The following MICU3 variants were observed in gnomAD, a reference collection of about 807,000 sequenced individuals.
MICU3 encodes calcium uptake protein 3, mitochondrial.
In MICU3, 62 loss-of-function variants were observed where a neutral mutation model predicts 66.5. The ratio of observed to expected loss-of-function variants is 0.93; its 90% confidence interval spans 0.76 to 1.15. The LOEUF (loss-of-function observed/expected upper bound fraction) is 1.15, where lower values mean the gene tolerates loss of function less well. Among genes scored for constraint, MICU3 ranks in the 50% most tolerant of loss-of-function variants. MICU3 has a pLI of 0.00. For synonymous variants in MICU3, 308 were observed against 240.7 expected, an observed-to-expected ratio of 1.28 and a Z score of -2.59; for missense variants, 779 against 664.4, an observed-to-expected ratio of 1.17 and a Z score of -1.90.
intron 1 of MICU3, among the ~76,000 whole-genome samples, chr8:17,050,868 A>T (rs1815956128): frequency 6.6e-6 from 1 of 151,904 alleles, no homozygotes; most frequent in South Asian, 2.1e-4. Flanking sequence ...GGGGGTTTAA[A>T]CCTATCCTAT....
At chr8:17,090,622 C>T (rs764948767) in intron 8 of MICU3, 38 bp downstream of exon 8, 1 of 1,444,706 alleles carries the variant, frequency 6.9e-7, no homozygotes, top group Non-Finnish European at 9.5e-7. Context: ...ATGTATATAG[C>T]CCTCACCTGT....
chr8:17,104,342 T>C lies in MICU3; in HGVS notation c.985-49T>C, dbSNP rs775554721. ...TTTGAGAAATATTGGGTATCCCTAT[T>C]CTGTTTCTTTTATTGAAGCTAACTT... is the stretch of plus-strand genomic sequence containing the variant. On this transcript the variant is annotated intron_variant, in intron 9 of 14. Transcript: ENST00000318063. The C allele has an allele frequency of 3.3e-6, 3 of 916,436 alleles. No homozygotes were observed. In the Admixed American group the frequency reaches 8.3e-5, roughly 25 times the overall value. The allele number at this position is 916,436 out of a possible 1,614,324, so 56.8% of individuals were successfully genotyped here. A position where few individuals can be genotyped will look rare whatever the true frequency, so the allele number is the denominator to read the frequency against.
At chr8:17,111,796 T>C (rs189619658) in intron 11 of MICU3, among the ~76,000 whole-genome samples, 2 of 152,336 alleles carry the variant, frequency 1.3e-5, no homozygotes, top group Admixed American at 6.5e-5. Context: ...ATAAATGATA[T>C]TGACATCTAT....
At chr8:17,091,025 T>C (rs1014338253) in intron 8 of MICU3, among the ~76,000 whole-genome samples, 1 of 152,090 alleles carries the variant, frequency 6.6e-6, no homozygotes, top group East Asian at 1.9e-4. Context: ...ATTTTCACTT[T>C]TGCTCACAAT....
chr8:17,124,016 G>C (rs1332688921), downstream of MICU3, among the ~76,000 whole-genome samples: 2 of 146,716 alleles, frequency 1.4e-5, no homozygotes, highest in African/African-American at 5.0e-5. Flanking sequence ...CAAATCTTTT[G>C]GCAGTTTCTT....
At chr8:17,055,365 C>T (rs117593175) in intron 1 of MICU3, among the ~76,000 whole-genome samples, 1 of 152,184 alleles carries the variant, frequency 6.6e-6, no homozygotes, top group South Asian at 2.1e-4. Context: ...CTTAAACTTA[C>T]TCTAATGTTT....
chr8:17,097,091 A>G (rs1425572017), intron 8 of MICU3, among the ~76,000 whole-genome samples: 10 of 151,080 alleles, frequency 6.6e-5, no homozygotes, highest in South Asian at 2.1e-4. Context: ...AGTAAGCCTT[A>G]TTTTCTAGTT....
rs1216557551 is a variant in MICU3 at position 17,069,812 on chromosome 8, G to A, written c.567+93G>A. 1.6e-4 allele frequency: 65 copies of A among 411,816 alleles called. No individual in the cohort carries two copies. In the East Asian group the frequency reaches 3.5e-3, roughly 22 times the overall value. 25.5% of individuals were successfully genotyped at this position (411,816 alleles called of 1,614,324 possible). ...AAATATATTTCATAAAATATATTATGTATTTTTATATATTTTATGATTTTT... is the reference window on the plus strand; with the variant it reads ...AAATATATTTCATAAAATATATTATATATTTTTATATATTTTATGATTTTT... On this transcript the variant is annotated intron_variant, in intron 3 of 14. Coordinates refer to ENST00000318063, the MANE Select transcript of MICU3 (RefSeq NM_181723.3).
chr8:17,115,123 A>C (rs902752207), intron 12 of MICU3, among the ~76,000 whole-genome samples: 1 of 151,726 alleles, frequency 6.6e-6, no homozygotes, highest in Non-Finnish European at 1.5e-5. Context: ...CGTCTCAAAA[A>C]AAAAAAAAAA....
intron 3 of MICU3, among the ~76,000 whole-genome samples, chr8:17,073,394 A>T (rs1370818113): frequency 6.6e-6 from 1 of 151,838 alleles, no homozygotes; most frequent in African/African-American, 2.4e-5. Flanking sequence ...TGAGGGATCT[A>T]AGTTGTGTGC....
chr8:17,126,034 G>GAAA (rs34218751), downstream of MICU3, among the ~76,000 whole-genome samples: 76 of 111,750 alleles, frequency 6.8e-4, no homozygotes, highest in African/African-American at 2.0e-3. Flanking sequence ...ATCTCAAAAG[G>GAAA]AAAAAAAAAA....
chr8:17,052,611 G>C (rs1476593460), intron 1 of MICU3, among the ~76,000 whole-genome samples: 2 of 152,096 alleles, frequency 1.3e-5, no homozygotes, highest in Non-Finnish European at 2.9e-5. Context: ...TAAAAACTTT[G>C]ATCTCAGCCA....
At position 17,064,385 on chromosome 8, in the gene MICU3, T is replaced by A. The variant is rs1466940705; in HGVS notation, c.535+148T>A. 1.5e-5 allele frequency: 8 copies of A among 538,796 alleles called. No individual in the cohort carries two copies. In the South Asian group the frequency reaches 3.3e-4, roughly 22 times the overall value. 33.4% of individuals were successfully genotyped at this position (538,796 alleles called of 1,614,324 possible). Reference sequence around the variant, plus strand: ...TGCTATTCAGTGTTACAGACTGATATTTCTTACAAACTCTTACTCACATCT... The same window carrying A: ...TGCTATTCAGTGTTACAGACTGATAATTCTTACAAACTCTTACTCACATCT... On this transcript the variant is annotated intron_variant, in intron 2 of 14. Transcript: ENST00000318063.
intron 7 of MICU3, among the ~76,000 whole-genome samples, chr8:17,090,248 G>A (rs1039288796): frequency 6.6e-6 from 1 of 151,968 alleles, no homozygotes; most frequent in African/African-American, 2.4e-5. Flanking sequence ...AAATCAAACC[G>A]CATACTTCAG....
intron 10 of MICU3, 55 bp downstream of exon 10, chr8:17,104,546 G>GCTA: frequency 2.1e-6 from 2 of 956,824 alleles, no homozygotes; most frequent in Non-Finnish European, 3.0e-6. Context: ...AAATCAGAAG[G>GCTA]ATCTTTAGAA....
chr8:17,095,720 T>C (rs1424131653), intron 8 of MICU3, among the ~76,000 whole-genome samples: 2 of 151,810 alleles, frequency 1.3e-5, no homozygotes, highest in African/African-American at 4.8e-5. Flanking sequence ...CCTAACTGCC[T>C]TTTTCCCTCC....
chr8:17,043,600 G>T (rs1814577807), intron 1 of MICU3, among the ~76,000 whole-genome samples: 1 of 152,148 alleles, frequency 6.6e-6, no homozygotes, highest in African/African-American at 2.4e-5. Context: ...GCTGTCACAT[G>T]ACCTCCTCCA....
intron 2 of MICU3, among the ~76,000 whole-genome samples, chr8:17,066,585 C>T (rs6994762): frequency 0.099 from 13,966 of 140,904 alleles, 825 homozygotes; most frequent in South Asian, 0.21. Flanking sequence ...CCCTGTCCCC[C>T]GGGCTGGAGT....
chr8:17,123,455 A>T (rs1357071052), downstream of MICU3, among the ~76,000 whole-genome samples: 1 of 152,132 alleles, frequency 6.6e-6, no homozygotes, highest in African/African-American at 2.4e-5. Flanking sequence ...TGGACTGAGT[A>T]GACAGTTTTT....
Sources: gnomAD v4.1 joint callset for allele counts (sites outside exome capture counted in the v4.1 genomes callset) on GRCh38, gnomAD v4.1.1 for gene constraint, MANE v1.5 for transcripts, NCBI Gene and HGNC (gene_info 2026-07-23, HGNC 2026-07-21) for gene names.